Variants in PDE10A observed in about 807,000 individuals in gnomAD.
PDE10A encodes phosphodiesterase 10A.
Under a neutral mutation model 97.7 loss-of-function variants are expected in PDE10A, and 39 were observed. The ratio of observed to expected loss-of-function variants is 0.40; its 90% CI spans 0.31 to 0.52. The LOEUF (loss-of-function observed/expected upper bound fraction) is 0.52, where lower values mean the gene tolerates loss of function less well. Among genes scored for constraint, PDE10A ranks in the 20% least tolerant of loss-of-function variants. PDE10A has a pLI of 0.56. For missense variants in PDE10A, 731 were observed against 1,047.8 expected (o/e 0.70, Z 4.17); for synonymous variants, 371 against 376.8 (o/e 0.98, Z 0.18).
chr6:165,809,501 A>G (rs1779223233), intron 1 of PDE10A, among the ~76,000 whole-genome samples: 1 of 151,884 alleles, frequency 6.6e-6, no homozygotes, highest in Non-Finnish European at 1.5e-5. Context: ...TGGCCTGTGC[A>G]CACCTCCTTC....
chr6:165,945,587 G>A lies in PDE10A; in HGVS notation c.-615+41942C>T, dbSNP rs188404616. On this transcript the variant is annotated intron_variant, in intron 1 of 19. Transcript: ENST00000366882. ...TTGGTGCCCTTATAAAAGAAACCCC[G>A]TTGAGCTTGTTTGCCCATTCCACCA... Among the ~76,000 whole-genome samples, 11 of 152,254 alleles carry A rather than the reference G, an allele frequency of 7.2e-5. No individual in the cohort carries two copies. The East Asian group carries it at 1.7e-3, about 24-fold the overall frequency.
At chr6:165,348,944 G>T (rs471607) in intron 18 of PDE10A, among the ~76,000 whole-genome samples, 54,124 of 151,962 alleles carry the variant, frequency 0.36, 10,887 homozygotes, top group African/African-American at 0.55. Context: ...TCCTGAGGCC[G>T]CCCCAGACAT....
At chr6:165,913,353 A>C (rs1389227522) in intron 1 of PDE10A, among the ~76,000 whole-genome samples, 4 of 152,006 alleles carry the variant, frequency 2.6e-5, no homozygotes, top group Admixed American at 6.6e-5. Flanking sequence ...GACCTCCTAC[A>C]GATAACAAAA....
intron 12 of PDE10A, 102 bp downstream of exon 12, chr6:165,416,087 C>A: frequency 1.3e-6 from 1 of 751,432 alleles, no homozygotes; most frequent in Admixed American, 2.1e-5. Flanking sequence ...GAAGAAAGAA[C>A]TGAATTGGGA....
intron 1 of PDE10A, among the ~76,000 whole-genome samples, chr6:165,620,364 A>G (rs1486618488): frequency 6.6e-6 from 1 of 152,074 alleles, no homozygotes; most frequent in Non-Finnish European, 1.5e-5. Context: ...TGCTTCTCGT[A>G]AGTATCTGAG....
intron 1 of PDE10A, among the ~76,000 whole-genome samples, chr6:165,909,430 G>A (rs537969119): frequency 5.9e-5 from 9 of 152,354 alleles, no homozygotes; most frequent in Non-Finnish European, 8.8e-5. Flanking sequence ...CTCGGACACC[G>A]TAGCTTAGGA....
At chr6:165,620,627 A>G (rs1788080660) in intron 1 of PDE10A, among the ~76,000 whole-genome samples, 1 of 152,216 alleles carries the variant, frequency 6.6e-6, no homozygotes, top group Admixed American at 6.5e-5. Context: ...AGAGGAAGGC[A>G]GGCCACTGCT....
At chr6:165,345,257 T>C (rs1164883737) in intron 18 of PDE10A, among the ~76,000 whole-genome samples, 2 of 152,196 alleles carry the variant, frequency 1.3e-5, no homozygotes, top group Admixed American at 1.3e-4. Flanking sequence ...ATGAAAGCAA[T>C]TTTCTTGCTG....
chr6:165,528,155 G>A (rs758784680), intron 2 of PDE10A, among the ~76,000 whole-genome samples: 8 of 152,250 alleles, frequency 5.3e-5, no homozygotes, highest in African/African-American at 1.9e-4. Context: ...GAAAATTGGT[G>A]ACAAAGCAAT....
At chr6:165,657,713 T>A (rs760026812) in intron 1 of PDE10A, among the ~76,000 whole-genome samples, 1 of 152,250 alleles carries the variant, frequency 6.6e-6, no homozygotes, top group African/African-American at 2.4e-5. Context: ...AATTTTCTCA[T>A]GCAGGTTTCT....
intron 1 of PDE10A, among the ~76,000 whole-genome samples, chr6:165,943,309 AG>A (rs1430589362): frequency 1.2e-5 from 1 of 80,606 alleles, no homozygotes; most frequent in African/African-American, 5.0e-5. Context: ...GAAAGAAAGA[AG>A]GAAGGAAGGA....
chr6:165,831,368 T>C (rs1269861350), intron 1 of PDE10A, among the ~76,000 whole-genome samples: 2 of 22,876 alleles, frequency 8.7e-5, no homozygotes, highest in Non-Finnish European at 1.4e-4. Context: ...CGAGACTCTG[T>C]CTCAAAAAAA....
Position 165,785,616 on chromosome 6 carries a change from A to T in PDE10A, c.-615+201913T>A, listed in dbSNP as rs576192947. ...TCTAAATCCATTGTCCCATGAAAAA[A>T]TAATAGCCTTTTATCAAATTTCTGC... On this transcript the variant is annotated intron_variant, in intron 1 of 19. Transcript: ENST00000366882. Among the ~76,000 whole-genome samples, 4 of 152,368 alleles carry T rather than the reference A, an allele frequency of 2.6e-5. No homozygotes were observed. The South Asian group carries it at 6.2e-4, about 24-fold the overall frequency.
At chr6:165,961,700 C>T (rs1335639831) in intron 1 of PDE10A, among the ~76,000 whole-genome samples, 1 of 152,236 alleles carries the variant, frequency 6.6e-6, no homozygotes, top group Non-Finnish European at 1.5e-5. Context: ...GTTTCCCAGA[C>T]TGTACAGTAT....
intron 17 of PDE10A, among the ~76,000 whole-genome samples, chr6:165,386,389 ACT>A (rs1785303312): frequency 6.6e-6 from 1 of 151,936 alleles, no homozygotes; most frequent in African/African-American, 2.4e-5. Context: ...TTCTAAAGAA[ACT>A]CTATATTGGC....
intron 3 of PDE10A, among the ~76,000 whole-genome samples, chr6:165,467,326 G>A (rs1778714403): frequency 6.6e-6 from 1 of 152,202 alleles, no homozygotes; most frequent in African/African-American, 2.4e-5. Flanking sequence ...TTTCAAAGCA[G>A]ACGAAACATT....
chr6:165,429,422 C>CT (rs2128236892), intron 9 of PDE10A, among the ~76,000 whole-genome samples: 1 of 152,124 alleles, frequency 6.6e-6, no homozygotes, highest in South Asian at 2.1e-4. Context: ...CCAAGGGGAG[C>CT]TTTTTCAGTC....
chr6:165,823,315 A>C (rs968846059), intron 1 of PDE10A, among the ~76,000 whole-genome samples: 2 of 150,122 alleles, frequency 1.3e-5, no homozygotes, highest in Admixed American at 6.6e-5. Context: ...AGACACACAC[A>C]CAGCCTAGGC....
At chr6:165,615,456 C>T (rs955539308) in intron 1 of PDE10A, among the ~76,000 whole-genome samples, 5 of 151,890 alleles carry the variant, frequency 3.3e-5, no homozygotes, top group Non-Finnish European at 7.4e-5. Context: ...CATTTTTCTA[C>T]GTGTGACAAA....
Sources: gnomAD v4.1 joint callset for allele counts (sites outside exome capture counted in the v4.1 genomes callset) on GRCh38, gnomAD v4.1.1 for gene constraint, MANE v1.5 for transcripts, NCBI Gene and HGNC (gene_info 2026-07-23, HGNC 2026-07-21) for gene names.